ZNF567: variants seen among roughly 807,000 people sequenced by gnomAD.
The protein encoded by ZNF567 is zinc finger protein 567.
ZNF567 carries 36 observed loss-of-function variants against 53.9 expected under a neutral mutation model. The ratio of observed to expected loss-of-function variants is 0.67; its 90% CI spans 0.51 to 0.88. The LOEUF (loss-of-function observed/expected upper bound fraction) is 0.88, where lower values mean the gene tolerates loss of function less well. Ranked by LOEUF, ZNF567 falls within the 40% of genes least tolerant of loss-of-function variation. The pLI, the probability that ZNF567 is intolerant of heterozygous loss-of-function variation, is 0.00. For synonymous variants in ZNF567, 224 were observed against 260.4 expected (o/e 0.86, Z 1.35); for missense variants, 619 against 764.7 (o/e 0.81, Z 2.25).
At chr19:36,682,289 A>C in the ZNF567 span, among the ~76,000 whole-genome samples, 1 of 151,554 alleles carries the variant, frequency 6.6e-6, no homozygotes, top group African/African-American at 2.4e-5. Flanking sequence ...GTCTCAAAAA[A>C]AAAAAAAAAA....
At chr19:36,694,999 C>G in intron 3 of ZNF567, 123 bp downstream of exon 3, 1 of 1,084,288 alleles carries the variant, frequency 9.2e-7, no homozygotes, top group South Asian at 1.6e-5. Flanking sequence ...GAAAACTGGT[C>G]CTCACTTCTT....
rs556341070 is a variant in ZNF567 at position 36,692,519 on chromosome 19, C to T, written c.-66-2283C>T. Among the ~76,000 whole-genome samples the T allele has an allele frequency of 6.8e-4, 103 of 152,230 alleles. 5 individuals are homozygous for T. In the South Asian group the frequency reaches 0.021, roughly 30 times the overall value. The stretch of plus-strand genomic sequence containing the variant: ...TCCTGAGTAGCTGGGACTACAGGTA[C>T]ACGCCCCCATGCTGGCTAATTTGTG... On this transcript the variant is annotated intron_variant, in intron 2 of 5. Coordinates refer to ENST00000682579, the MANE Select transcript of ZNF567 (RefSeq NM_001322917.1).
upstream of ZNF567, chr19:36,685,401 C>T (rs1287134799): frequency 6.6e-6 from 1 of 152,160 alleles, no homozygotes; most frequent in Non-Finnish European, 1.5e-5. Flanking sequence ...CATCTGTACT[C>T]CACCCAGAAG....
chr19:36,718,848 T>A lies in ZNF567; in HGVS notation c.224-100T>A, dbSNP rs182775035. ...CTGCCAGGCCAGTGGTCATTTGTTC[T>A]GAGTCTCTTTTTGCGCCATGTGCTA... On this transcript the variant is annotated intron_variant, in intron 5 of 5. Coordinates refer to ENST00000682579, the MANE Select transcript of ZNF567 (RefSeq NM_001322917.1). 7 of 955,680 alleles carry A rather than the reference T, an allele frequency of 7.3e-6. No individual in the cohort carries two copies. In the African/African-American group the frequency reaches 1.2e-4, roughly 16 times the overall value. The allele number at this position is 955,680 out of a possible 1,614,324, so 59.2% of individuals were successfully genotyped here.
At chr19:36,714,508 AAG>A (rs1405260833) in intron 5 of ZNF567, 4 of 398,326 alleles carry the variant, frequency 1.0e-5, no homozygotes, top group Admixed American at 4.4e-5. Flanking sequence ...TGTCTTTAAA[AAG>A]AGAAAATTAT....
chr19:36,675,390 A>G, the ZNF567 span, among the ~76,000 whole-genome samples: 1 of 151,778 alleles, frequency 6.6e-6, no homozygotes, highest in Non-Finnish European at 1.5e-5. Flanking sequence ...AAAATAAAAA[A>G]TTGGCCAGGC....
Position 36,719,950 on chromosome 19 carries a change from C to G in ZNF567, c.1226C>G (p.Thr409Ser), listed in dbSNP as rs2040237745. Residue 409 changes from threonine (T) to serine (S), a missense_variant, in exon 6 of 6, where the codon ACT (threonine) becomes AGT (serine). Transcript: ENST00000682579. ...GKSFHQKANL[T>S]VHQRTHTGEK... ...TCCTTTCACCAGAAGGCAAATCTTA[C>G]TGTACATCAGAGAACTCATACAGGG... The G allele has an allele frequency of 6.2e-7, 1 of 1,613,824 alleles. No homozygotes were observed. Among genetic ancestry groups the G allele is most frequent in the Non-Finnish European group, 8.5e-7 (1 of 1,179,956 alleles).
downstream of ZNF567, among the ~76,000 whole-genome samples, chr19:36,725,838 G>A (rs1719945936): frequency 6.6e-6 from 1 of 152,078 alleles, no homozygotes; most frequent in Admixed American, 6.6e-5. Context: ...TTACAGAGAT[G>A]GTATCACCGT....
Position 36,719,713 on chromosome 19 carries a change from C to T in ZNF567, c.989C>T (p.Thr330Ile). ...LKTALTDHQR[T>I]HTGEKSYECL... ...ACAGCCCTCACTGATCATCAGAGAA[C>T]ACACACAGGGGAGAAATCGTATGAA... The change falls in exon 6 of 6, where the codon ACA (threonine) becomes ATA (isoleucine). Residue 330 changes from threonine (T) to isoleucine (I), a missense_variant. Transcript: ENST00000682579. 1 of 1,614,042 alleles carries T rather than the reference C, an allele frequency of 6.2e-7. No individual in the cohort carries two copies. The highest frequency in any genetic ancestry group is 8.5e-7 in the Non-Finnish European group (1 of 1,180,004).
At chr19:36,692,459 A>G (rs1226596674) in intron 2 of ZNF567, among the ~76,000 whole-genome samples, 2 of 152,120 alleles carry the variant, frequency 1.3e-5, no homozygotes, top group African/African-American at 4.8e-5. Flanking sequence ...TGTAGCCTCA[A>G]ACTCCTGGGC....
At chr19:36,692,124 C>T (rs1272859387) in intron 2 of ZNF567, among the ~76,000 whole-genome samples, 1 of 152,136 alleles carries the variant, frequency 6.6e-6, no homozygotes, top group African/African-American at 2.4e-5. Flanking sequence ...CATTCACATT[C>T]GGGTCTTTTT....
chr19:36,697,915 TTTC>T (rs2038966633), intron 3 of ZNF567, among the ~76,000 whole-genome samples: 1 of 103,062 alleles, frequency 9.7e-6, no homozygotes, highest in African/African-American at 3.5e-5. Flanking sequence ...CCGGCTGGAA[TTTC>T]TTTTTTTTTT....
intron 5 of ZNF567, among the ~76,000 whole-genome samples, chr19:36,715,500 AATAATAATAATTATTATTATT>A (rs61219385): frequency 0.28 from 20,819 of 73,342 alleles, 1,762 homozygotes; most frequent in African/African-American, 0.35. Context: ...TAATAATAAT[AATAATAATAATTATTATTATT>A]ATTATTATTA....
At chr19:36,702,744 T>C (rs1246902382) in intron 3 of ZNF567, among the ~76,000 whole-genome samples, 1 of 143,042 alleles carries the variant, frequency 7.0e-6, no homozygotes, top group Non-Finnish European at 1.5e-5. Flanking sequence ...GCATTCTTCA[T>C]GTAGTTCTCG....
the ZNF567 span, among the ~76,000 whole-genome samples, chr19:36,667,099 C>G: frequency 6.6e-6 from 1 of 152,170 alleles, no homozygotes; most frequent in African/African-American, 2.4e-5. Flanking sequence ...TCGGCGGGCG[C>G]GGACTAACCC....
chr19:36,701,628 A>G (rs2039191477), intron 3 of ZNF567, among the ~76,000 whole-genome samples: 1 of 151,474 alleles, frequency 6.6e-6, no homozygotes, highest in South Asian at 2.1e-4. Flanking sequence ...GTGCATATAT[A>G]TTTAGGATAG....
the ZNF567 span, among the ~76,000 whole-genome samples, chr19:36,677,165 A>T: frequency 6.9e-6 from 1 of 145,234 alleles, no homozygotes; most frequent in African/African-American, 2.5e-5. Flanking sequence ...CAAAAAAAAA[A>T]AAAAAAAAAA....
chr19:36,690,580 GACTTTGTTTCAAA>G (rs1191016354), intron 2 of ZNF567, among the ~76,000 whole-genome samples: 1 of 152,178 alleles, frequency 6.6e-6, no homozygotes, highest in Non-Finnish European at 1.5e-5. Context: ...AACAGAGTGA[GACTTTGTTTCAAA>G]ACAAAACAAA....
chr19:36,709,411 C>A (rs2039661008), intron 3 of ZNF567, among the ~76,000 whole-genome samples: 1 of 152,116 alleles, frequency 6.6e-6, no homozygotes, highest in Admixed American at 6.6e-5. Context: ...TACAATTTTT[C>A]TTATTTTCTT....
Sources: gnomAD v4.1 joint callset for allele counts (sites outside exome capture counted in the v4.1 genomes callset) on GRCh38, gnomAD v4.1.1 for gene constraint, MANE v1.5 for transcripts, NCBI Gene and HGNC (gene_info 2026-07-23, HGNC 2026-07-21) for gene names.